GALNTL6: variants seen among roughly 807,000 people sequenced by gnomAD.
The protein encoded by GALNTL6 is polypeptide N-acetylgalactosaminyltransferase-like 6.
In GALNTL6, 46 loss-of-function variants were observed where a neutral mutation model predicts 73.7. The ratio of observed to expected loss-of-function variants is 0.62; its 90% CI spans 0.49 to 0.80. The LOEUF (loss-of-function observed/expected upper bound fraction) is 0.80, where lower values mean the gene tolerates loss of function less well. Ranked by LOEUF, GALNTL6 falls within the 30% of genes least tolerant of loss-of-function variation. The pLI is 0.00. For missense variants in GALNTL6, 604 were observed against 755.0 expected (o/e 0.80, Z 2.34); for synonymous variants, 259 against 263.7 (o/e 0.98, Z 0.17).
intron 5 of GALNTL6, among the ~76,000 whole-genome samples, chr4:172,499,503 A>G (rs1417191331): frequency 6.6e-6 from 1 of 152,220 alleles, no homozygotes; most frequent in Non-Finnish European, 1.5e-5. Context: ...ACCCTGAATT[A>G]ACTAAAACAA....
At chr4:172,805,076 A>G (rs1246338180) in intron 5 of GALNTL6, among the ~76,000 whole-genome samples, 1 of 152,192 alleles carries the variant, frequency 6.6e-6, no homozygotes, top group Non-Finnish European at 1.5e-5. Context: ...AACTAGAAGG[A>G]ATAATTGAGA....
chr4:172,099,180 A>G (rs1732442293), intron 2 of GALNTL6, among the ~76,000 whole-genome samples: 1 of 152,168 alleles, frequency 6.6e-6, no homozygotes, highest in African/African-American at 2.4e-5. Context: ...TATTCCCATT[A>G]GGTTGGTGAA....
intron 2 of GALNTL6, among the ~76,000 whole-genome samples, chr4:172,039,832 CTTGA>C (rs1331576215): frequency 3.9e-5 from 6 of 152,034 alleles, no homozygotes; most frequent in African/African-American, 1.2e-4. Flanking sequence ...ATTAAAATGA[CTTGA>C]TTGCCTCTAA....
intron 8 of GALNTL6, among the ~76,000 whole-genome samples, chr4:172,897,942 T>C (rs184845808): frequency 3.9e-5 from 6 of 152,318 alleles, no homozygotes; most frequent in Admixed American, 2.0e-4. Context: ...AAGCTTTCAT[T>C]TGCAGGGAGG....
intron 5 of GALNTL6, among the ~76,000 whole-genome samples, chr4:172,429,957 A>G (rs1028697755): frequency 3.9e-5 from 6 of 152,090 alleles, no homozygotes; most frequent in African/African-American, 1.4e-4. Flanking sequence ...ACTGCTTCAA[A>G]CAGTTTTCTC....
At chr4:172,514,822 A>C (rs79946964) in intron 5 of GALNTL6, among the ~76,000 whole-genome samples, 3,186 of 152,116 alleles carry the variant, frequency 0.021, 110 homozygotes, top group African/African-American at 0.072. Flanking sequence ...TCAGCTCTCT[A>C]AATTTATTTC....
chr4:172,260,439 T>C (rs1052817815), intron 3 of GALNTL6, among the ~76,000 whole-genome samples: 2 of 151,790 alleles, frequency 1.3e-5, no homozygotes, highest in African/African-American at 4.8e-5. Context: ...GCTACTGATT[T>C]GTGTACATTG....
At chr4:172,359,879 C>A (rs1742303641) in intron 5 of GALNTL6, among the ~76,000 whole-genome samples, 1 of 152,162 alleles carries the variant, frequency 6.6e-6, no homozygotes, top group African/African-American at 2.4e-5. Flanking sequence ...TCTAACAGAA[C>A]CCAGGCTGAG....
At chr4:172,403,187 A>G (rs1744100951) in intron 5 of GALNTL6, among the ~76,000 whole-genome samples, 1 of 151,952 alleles carries the variant, frequency 6.6e-6, no homozygotes, top group Non-Finnish European at 1.5e-5. Context: ...CTGATAATCA[A>G]ATGAACTTTC....
At chr4:172,831,637 G>A (rs1271786980) in intron 7 of GALNTL6, among the ~76,000 whole-genome samples, 1 of 152,152 alleles carries the variant, frequency 6.6e-6, no homozygotes, top group Non-Finnish European at 1.5e-5. Context: ...TGGATGTGGG[G>A]TCTGGCTGGG....
At chr4:172,594,586 A>G (rs1330018972) in intron 5 of GALNTL6, among the ~76,000 whole-genome samples, 2 of 152,134 alleles carry the variant, frequency 1.3e-5, no homozygotes, top group East Asian at 3.9e-4. Flanking sequence ...TAAAAAACAC[A>G]TTTACTCTCG....
rs144353236 is a variant in GALNTL6 at position 173,006,138 on chromosome 4, C to A, written c.1372-3040C>A. Among the ~76,000 whole-genome samples the A allele has an allele frequency of 2.0e-3, 301 of 152,280 alleles. 1 individual carries two copies. Among genetic ancestry groups the A allele is most frequent in the African/African-American group, 6.8e-3 (283 of 41,546 alleles). The stretch of plus-strand genomic sequence containing the variant: ...ACATGTGAGTTCAAATGCCAGCCGA[C>A]ATAGGAGAGTAAGCTTCTCCCCTGG... On this transcript the variant is annotated intron_variant, in intron 10 of 12. Transcript: ENST00000506823.
At chr4:171,969,057 G>A (rs896592717) in intron 2 of GALNTL6, among the ~76,000 whole-genome samples, 3 of 151,970 alleles carry the variant, frequency 2.0e-5, no homozygotes, top group Admixed American at 2.0e-4. Context: ...GGCTGGTCTC[G>A]AACTCCTGAC....
At chr4:172,859,244 C>T (rs1744271587) in intron 7 of GALNTL6, among the ~76,000 whole-genome samples, 1 of 152,076 alleles carries the variant, frequency 6.6e-6, no homozygotes, top group African/African-American at 2.4e-5. Context: ...TTCCAGAGGC[C>T]TTGTTGAAGG....
intron 8 of GALNTL6, among the ~76,000 whole-genome samples, chr4:172,911,034 C>A (rs1747171163): frequency 6.6e-6 from 1 of 152,248 alleles, no homozygotes; most frequent in South Asian, 2.1e-4. Flanking sequence ...TGCTAACTTG[C>A]CAAACACTTG....
At chr4:172,218,738 A>G (rs1001257948) in intron 2 of GALNTL6, among the ~76,000 whole-genome samples, 19 of 152,054 alleles carry the variant, frequency 1.2e-4, no homozygotes, top group Non-Finnish European at 2.8e-4. Flanking sequence ...GAAATTCCTC[A>G]TAGTCATTTT....
chr4:172,374,587 T>C (rs1418161614), intron 5 of GALNTL6, among the ~76,000 whole-genome samples: 1 of 152,162 alleles, frequency 6.6e-6, no homozygotes, highest in African/African-American at 2.4e-5. Context: ...TTTTCCTAAT[T>C]CTCCTTAGTC....
intron 2 of GALNTL6, among the ~76,000 whole-genome samples, chr4:172,087,440 ATC>A (rs1732077169): frequency 2.6e-5 from 3 of 113,524 alleles, no homozygotes; most frequent in African/African-American, 9.4e-5. Context: ...GTTAGACTCC[ATC>A]CCAAAAAAAA....
chr4:172,199,756 GTTGT>G (rs1332506125), intron 2 of GALNTL6, among the ~76,000 whole-genome samples: 6 of 151,972 alleles, frequency 3.9e-5, no homozygotes, highest in South Asian at 4.1e-4. Context: ...TGTTGTTGTT[GTTGT>G]TTGTTTGTTT....
Sources: allele counts gnomAD v4.1 joint callset (sites outside exome capture counted in the v4.1 genomes callset), GRCh38; gene constraint gnomAD v4.1.1; transcripts MANE v1.5; gene names NCBI Gene and HGNC (gene_info 2026-07-23, HGNC 2026-07-21).